NAIP: variants seen among roughly 807,000 people sequenced by gnomAD.
NAIP encodes baculoviral IAP repeat-containing protein 1.
A neutral mutation model predicts 23.0 loss-of-function variants in NAIP; 15 were observed. The observed-to-expected ratio is 0.65, with a 90% CI of 0.44 to 1.00. NAIP has a LOEUF of 1.00. Among genes scored for constraint, NAIP ranks in the 50% least tolerant of loss-of-function variants. The probability of loss-of-function intolerance (pLI) is 0.00; values close to 1 mark genes in which losing one functional copy is unlikely to be tolerated. For synonymous variants in NAIP, 100 were observed against 100.2 expected (o/e 1.00, Z 0.01); for missense variants, 265 against 278.8 (o/e 0.95, Z 0.35).
rs557232510 is a variant in NAIP at position 71,012,646 on chromosome 5, C to T, written c.270G>A (p.Gly90=). ...EMAAAGFYFT[G]VKSGIQCFCC... Reference sequence around the variant, plus strand: ...AGAAGCACTGAATCCCAGATTTTACCCCAGTGAAGTAAAACCCAGCGGCCG... The same window carrying T: ...AGAAGCACTGAATCCCAGATTTTACTCCAGTGAAGTAAAACCCAGCGGCCG... The change falls in exon 4 of 17, where the codon GGG becomes GGA. Residue 90 remains glycine (G), a synonymous_variant. Coordinates refer to ENST00000517649, the MANE Select transcript of NAIP (RefSeq NM_004536.3). 7.9e-5 allele frequency: 127 copies of T among 1,611,938 alleles called. 3 individuals carry two copies. In the South Asian group the frequency reaches 9.2e-4, roughly 12 times the overall value.
At chr5:71,014,427 G>C (rs138546794) in intron 3 of NAIP, among the ~76,000 whole-genome samples, 1 of 151,450 alleles carries the variant, frequency 6.6e-6, no homozygotes, top group Admixed American at 6.6e-5. Context: ...GATTACAGAC[G>C]TGAGCCACCA....
intron 3 of NAIP, among the ~76,000 whole-genome samples, chr5:71,013,754 C>A (rs1751289381): frequency 6.6e-6 from 1 of 151,338 alleles, no homozygotes; most frequent in African/African-American, 2.4e-5. Context: ...CATGACCATC[C>A]CTGAGGGGCA....
rs1395432749 is a variant in NAIP, at chr5:70,979,585, AATAATAAT to A, written c.3442+276_3442+283del. Among the ~76,000 whole-genome samples, 3 of 40,350 alleles carry A rather than the reference AATAATAAT, an allele frequency of 7.4e-5. 1 individual carries two copies. Among genetic ancestry groups the A allele is most frequent in the South Asian group, 2.2e-3 (2 of 894 alleles). 26.5% of individuals were successfully genotyped at this position (40,350 alleles called of 152,430 possible). A position where few individuals can be genotyped will look rare whatever the true frequency, so the allele number is the denominator to read the frequency against. On this transcript the variant is annotated intron_variant, in intron 13 of 16. Coordinates refer to ENST00000517649, the MANE Select transcript of NAIP (RefSeq NM_004536.3). Reference sequence around the variant, plus strand: ...GGGAGACTGTCTCAAAAAAAAAAAAAATAATAATAATAATAATAATAATAATAGTACTT... The same window carrying A: ...GGGAGACTGTCTCAAAAAAAAAAAAAAATAATAATAATAATAATAGTACTT...
At position 71,010,310 on chromosome 5, in the gene NAIP, C is replaced by A. The variant is rs1156722005; in HGVS notation, c.668+965G>T. On this transcript the variant is annotated intron_variant, in intron 5 of 16. Coordinates refer to ENST00000517649, the MANE Select transcript of NAIP (RefSeq NM_004536.3). ...TTGAGACGGAGTCTCACTCTGTCGC[C>A]CAGGCCGGAGTGCAGTGGCGCTATC... Among the ~76,000 whole-genome samples, 3 of 151,348 alleles carry A rather than the reference C, an allele frequency of 2.0e-5. 1 individual carries two copies. The highest frequency in any genetic ancestry group is 7.3e-5 in the African/African-American group (3 of 41,224).
At position 71,012,476 on chromosome 5, in the gene NAIP, C is replaced by T. The variant is rs765747754; in HGVS notation, c.440G>A (p.Ser147Asn). 1.7e-5 allele frequency: 28 copies of T among 1,611,632 alleles called. 2 individuals are homozygous for T. Among genetic ancestry groups the T allele is most frequent in the Admixed American group, 3.3e-5 (2 of 59,854 alleles). ...KYDIRVKNLK[S>N]RLRGGKMRYQ... is the part of the protein sequence containing the mutation. The stretch of plus-strand genomic sequence containing the variant: ...CCTCATTTTACCTCCTCTCAGCCTG[C>T]TCTTCAGATTCTTCACCCTTATGTC... Residue 147 changes from serine to asparagine, a missense_variant, in exon 4 of 17, where the codon AGC (serine) becomes AAC (asparagine). Physicochemically the swap from Ser to Asn is conservative, Grantham distance 46. This residue lies in a region of NAIP where 261 missense variants were observed against 259.2 expected (regional missense o/e 1.01). Coordinates refer to ENST00000517649, the MANE Select transcript of NAIP (RefSeq NM_004536.3).
In NAIP at chr5:70,978,795, T is replaced by C. The variant is rs1388034790; in HGVS notation, c.3442+1074A>G. Among the ~76,000 whole-genome samples the C allele has an allele frequency of 2.9e-4, 17 of 59,286 alleles. 1 individual carries two copies. The highest frequency in any genetic ancestry group is 6.1e-4 in the South Asian group (1 of 1,644). The allele number at this position is 59,286 out of a possible 152,430, so 38.9% of individuals were successfully genotyped here. ...CATTATATTAGGGATTTCTTTCTTT[T>C]TTTTTTTTTTTTTCTGAGATGGAGT... On this transcript the variant is annotated intron_variant, in intron 13 of 16. Transcript: ENST00000517649.
intron 5 of NAIP, among the ~76,000 whole-genome samples, chr5:71,009,701 G>C (rs1257226997): frequency 6.6e-6 from 1 of 151,350 alleles, no homozygotes; most frequent in East Asian, 1.9e-4. Context: ...TAAAAATATA[G>C]TTATTGTTAT....
intron 3 of NAIP, among the ~76,000 whole-genome samples, chr5:71,014,004 T>G (rs2112933997): frequency 6.6e-6 from 1 of 151,596 alleles, no homozygotes; most frequent in East Asian, 1.9e-4. Flanking sequence ...ACCAAGAAAT[T>G]GAACTAATTT....
rs1028212002 is a variant in NAIP, at chr5:71,013,657, A to G, written c.-3-739T>C. Among the ~76,000 whole-genome samples the G allele has an allele frequency of 2.7e-3, 405 of 150,642 alleles. 1 individual carries two copies. Among genetic ancestry groups the G allele is most frequent in the African/African-American group, 9.0e-3 (372 of 41,136 alleles). Reference sequence around the variant, plus strand: ...TCCGTCTTAAAAAAAAAAAAAAAAAAAAGAAGCTCAGTAACAGGCCAATGA... The same window carrying G: ...TCCGTCTTAAAAAAAAAAAAAAAAAGAAGAAGCTCAGTAACAGGCCAATGA... On this transcript the variant is annotated intron_variant, in intron 3 of 16. Transcript: ENST00000517649.
At chr5:70,973,152 G>A (rs1485831764) in intron 16 of NAIP, among the ~76,000 whole-genome samples, 12 of 150,428 alleles carry the variant, frequency 8.0e-5, no homozygotes, top group South Asian at 2.1e-4. Context: ...CATCCGCCTC[G>A]GCCTCCCAAA....
intron 4 of NAIP, 30 bp downstream of exon 4, chr5:71,012,318 G>A: frequency 1.3e-6 from 2 of 1,537,454 alleles, no homozygotes; most frequent in East Asian, 2.3e-5. Context: ...AAACGCCAGA[G>A]AAACACTTCA....
At chr5:71,007,960 G>T (rs1400375599) in intron 5 of NAIP, among the ~76,000 whole-genome samples, 1 of 136,838 alleles carries the variant, frequency 7.3e-6, no homozygotes, top group East Asian at 2.2e-4. Flanking sequence ...GGGAAGAGGG[G>T]AGAGGAGAGT....
At chr5:71,009,047 T>G (rs988423072) in intron 5 of NAIP, among the ~76,000 whole-genome samples, 1 of 145,132 alleles carries the variant, frequency 6.9e-6, no homozygotes, top group African/African-American at 2.5e-5. Flanking sequence ...ATTAAAAATC[T>G]TAAGGGGCTG....
intron 4 of NAIP, chr5:71,011,769 G>A (rs1393522793): frequency 2.2e-6 from 1 of 448,490 alleles, no homozygotes; most frequent in South Asian, 1.8e-5. Context: ...TAAAGTCTCT[G>A]AGCCTCCATG....
In NAIP at chr5:71,009,902, A is replaced by G. The variant is rs906448023; in HGVS notation, c.668+1373T>C. On this transcript the variant is annotated intron_variant, in intron 5 of 16. Transcript: ENST00000517649. ...TGTAGAAAATACTAGTAAATATAGC[A>G]TTAAAAATAATTAAAATGTACTTCC... Among the ~76,000 whole-genome samples the G allele has an allele frequency of 2.0e-5, 3 of 151,530 alleles. 1 individual carries two copies. Among genetic ancestry groups the G allele is most frequent in the Non-Finnish European group, 4.4e-5 (3 of 67,812 alleles).
Position 71,024,837 on chromosome 5 carries a change from T to C in NAIP, c.-441A>G, listed in dbSNP as rs1751561520. ...TCACTGGCAACTGGTGGTTAATCAA[T>C]CTCCAGCCCTTTTACCCTCTCTGGA... On this transcript the variant is annotated 5_prime_UTR_variant, in exon 1 of 17. Coordinates refer to ENST00000517649, the MANE Select transcript of NAIP (RefSeq NM_004536.3). 2.9e-5 allele frequency: 2 copies of C among 69,882 alleles called. 1 individual carries two copies. The highest frequency in any genetic ancestry group is 8.9e-5 in the African/African-American group (2 of 22,352). The allele number at this position is 69,882 out of a possible 1,614,324, so 4.3% of individuals were successfully genotyped here. A position where few individuals can be genotyped will look rare whatever the true frequency, so the allele number is the denominator to read the frequency against.
intron 5 of NAIP, among the ~76,000 whole-genome samples, chr5:71,010,617 C>T (rs1313251909): frequency 6.6e-6 from 1 of 150,954 alleles, no homozygotes; most frequent in Admixed American, 6.6e-5. Flanking sequence ...AGGCTGGTCT[C>T]AAACTCCTGA....
At chr5:70,980,994 AAAC>A (rs1158888071) in intron 12 of NAIP, among the ~76,000 whole-genome samples, 14 of 113,404 alleles carry the variant, frequency 1.2e-4, no homozygotes, top group East Asian at 2.2e-4. Flanking sequence ...AATGCAACAA[AAAC>A]AACAACAATT....
chr5:71,012,028 C>CT (rs1259822604), intron 4 of NAIP, among the ~76,000 whole-genome samples: 2 of 151,658 alleles, frequency 1.3e-5, no homozygotes, highest in South Asian at 4.2e-4. Context: ...GGTGAGGAGA[C>CT]TGGGATCAGG....
Sources: allele counts gnomAD v4.1 joint callset (sites outside exome capture counted in the v4.1 genomes callset), GRCh38; gene constraint gnomAD v4.1.1; regional missense constraint gnomAD v4.1.1; transcripts MANE v1.5; gene names NCBI Gene and HGNC (gene_info 2026-07-23, HGNC 2026-07-21).